The following VPS50 variants were observed in gnomAD, a reference collection of about 807,000 sequenced individuals.
VPS50 encodes the protein VPS50 subunit of EARP/GARPII complex.
A neutral mutation model predicts 139.7 loss-of-function variants in VPS50; 70 were observed. The observed-to-expected ratio is 0.50, with a 90% CI of 0.41 to 0.61. The LOEUF (loss-of-function observed/expected upper bound fraction) is 0.61, where lower values mean the gene tolerates loss of function less well. Among genes scored for constraint, VPS50 ranks in the 20% least tolerant of loss-of-function variants. VPS50 has a pLI of 0.00. For missense variants in VPS50, 921 were observed against 1,133.7 expected (o/e 0.81, Z 2.69); for synonymous variants, 365 against 376.7 (o/e 0.97, Z 0.36).
intron 20 of VPS50, among the ~76,000 whole-genome samples, chr7:93,321,639 T>C (rs1466327395): frequency 3.3e-5 from 5 of 152,232 alleles, no homozygotes; most frequent in African/African-American, 1.2e-4. Flanking sequence ...CTTTTCAAGG[T>C]GGTGAGGAAC....
intron 16 of VPS50, 36 bp downstream of exon 16, chr7:93,297,279 A>C (rs764606527): frequency 6.7e-7 from 1 of 1,483,214 alleles, no homozygotes; most frequent in Non-Finnish European, 8.9e-7. Context: ...CGACTTATTT[A>C]GGTAATGAGA....
chr7:93,311,039 C>A lies in VPS50; in HGVS notation c.1749-127C>A, dbSNP rs536683326. On this transcript the variant is annotated intron_variant, in intron 19 of 27. Transcript: ENST00000305866. Reference sequence around the variant, plus strand: ...TTTTATAAGAAGTTAATTTCTATATCTTTACCTAATGCATAGTAAGATTTT... The same window carrying A: ...TTTTATAAGAAGTTAATTTCTATATATTTACCTAATGCATAGTAAGATTTT... The A allele has an allele frequency of 3.4e-4, 217 of 638,398 alleles. 1 individual carries two copies. In the South Asian group the frequency reaches 3.9e-3, roughly 11 times the overall value. The allele number at this position is 638,398 out of a possible 1,614,324, so 39.5% of individuals were successfully genotyped here. A position where few individuals can be genotyped will look rare whatever the true frequency, so the allele number is the denominator to read the frequency against.
chr7:93,341,410 A>G lies in VPS50; in HGVS notation c.2059-17A>G, dbSNP rs1324048579. Reference sequence around the variant, plus strand: ...TTAGATTTGTTATTCCAGGTTGTATATCTATTGTATTTTCAGGAAGTTTCA... The same window carrying G: ...TTAGATTTGTTATTCCAGGTTGTATGTCTATTGTATTTTCAGGAAGTTTCA... On this transcript the variant is annotated splice_polypyrimidine_tract_variant and intron_variant, in intron 22 of 27. Transcript: ENST00000305866. 1.3e-6 allele frequency: 2 copies of G among 1,577,852 alleles called. No homozygotes were observed. Among genetic ancestry groups the G allele is most frequent in the Non-Finnish European group, 1.7e-6 (2 of 1,160,642 alleles).
intron 19 of VPS50, among the ~76,000 whole-genome samples, chr7:93,310,953 C>A (rs550884012): frequency 1.3e-5 from 2 of 151,938 alleles, no homozygotes. Flanking sequence ...GTTTTATAAT[C>A]GAAGAAATGC....
intron 20 of VPS50, among the ~76,000 whole-genome samples, chr7:93,312,183 G>A (rs1408182326): frequency 6.6e-6 from 1 of 152,122 alleles, no homozygotes; most frequent in East Asian, 1.9e-4. Flanking sequence ...GAACAGAAAG[G>A]TATACCTTTT....
At chr7:93,324,605 T>C (rs1457217736) in intron 21 of VPS50, among the ~76,000 whole-genome samples, 5 of 152,190 alleles carry the variant, frequency 3.3e-5, no homozygotes, top group Non-Finnish European at 7.3e-5. Flanking sequence ...TTTGCGTATA[T>C]TGAACCAGCC....
intron 12 of VPS50, among the ~76,000 whole-genome samples, chr7:93,280,509 AT>A (rs142821608): frequency 0.016 from 2,453 of 152,202 alleles, 40 homozygotes; most frequent in South Asian, 0.036. Context: ...TTGCATTTAC[AT>A]TTTGATGTAC....
At chr7:93,246,198 A>G in intron 2 of VPS50, 1 of 974,384 alleles carries the variant, frequency 1.0e-6, no homozygotes, top group Non-Finnish European at 1.5e-6. Flanking sequence ...AAGAAATGCA[A>G]ACAGTAAAAA....
intron 16 of VPS50, among the ~76,000 whole-genome samples, chr7:93,301,486 C>G (rs1282848823): frequency 6.6e-6 from 1 of 151,978 alleles, no homozygotes; most frequent in Non-Finnish European, 1.5e-5. Context: ...ATATTATTTT[C>G]TATACATTTT....
intron 20 of VPS50, among the ~76,000 whole-genome samples, chr7:93,322,295 A>G (rs1797636677): frequency 6.6e-6 from 1 of 152,158 alleles, no homozygotes; most frequent in African/African-American, 2.4e-5. Context: ...TTGAGTCATG[A>G]TGTCTTTAAT....
chr7:93,310,580 G>A (rs990533225), intron 19 of VPS50, among the ~76,000 whole-genome samples: 1 of 151,910 alleles, frequency 6.6e-6, no homozygotes, highest in African/African-American at 2.4e-5. Context: ...TGCTTTCAGA[G>A]ATATCTGGCC....
chr7:93,334,403 A>T (rs914596247), intron 22 of VPS50, among the ~76,000 whole-genome samples: 6 of 152,224 alleles, frequency 3.9e-5, no homozygotes, highest in African/African-American at 7.2e-5. Context: ...TATTGGGCTT[A>T]TATCTAGCAC....
chr7:93,328,869 TATGTGA>T (rs1390633318), intron 21 of VPS50, among the ~76,000 whole-genome samples: 1 of 152,056 alleles, frequency 6.6e-6, no homozygotes, highest in Non-Finnish European at 1.5e-5. Context: ...GACTGTGAGA[TATGTGA>T]TTCCATGATC....
chr7:93,345,143 G>A (rs908633681), intron 23 of VPS50, among the ~76,000 whole-genome samples: 5 of 151,882 alleles, frequency 3.3e-5, no homozygotes, highest in Non-Finnish European at 7.4e-5. Flanking sequence ...ATGATAAAGG[G>A]GATATCACCA....
In VPS50 at chr7:93,271,235, G is replaced by C; in HGVS notation, c.675G>C (p.Lys225Asn). 6.4e-7 allele frequency: 1 copy of C among 1,559,458 alleles called. No individual in the cohort carries two copies. The highest frequency in any genetic ancestry group is 2.4e-5 in the East Asian group (1 of 42,314). ...TTTTTAATAGTGAACTGAATTCAAA[G>C]CTGCAAGATACTTTGGAACAGATTG... ...HYSCISELNS[K>N]LQDTLEQIEE... The change falls in exon 10 of 28, where the codon AAG becomes AAC. Residue 225 changes from lysine to asparagine, a missense_variant. Coordinates refer to ENST00000305866, the MANE Select transcript of VPS50 (RefSeq NM_017667.4).
At chr7:93,344,940 C>T (rs931416624) in intron 23 of VPS50, among the ~76,000 whole-genome samples, 2 of 152,024 alleles carry the variant, frequency 1.3e-5, no homozygotes, top group African/African-American at 4.8e-5. Flanking sequence ...AGAGCAAACA[C>T]ATTCAAAAGC....
chr7:93,339,915 T>C (rs919645369), intron 22 of VPS50, among the ~76,000 whole-genome samples: 1 of 152,212 alleles, frequency 6.6e-6, no homozygotes, highest in Non-Finnish European at 1.5e-5. Context: ...TAAATTTCTC[T>C]TATGGAATTT....
intron 21 of VPS50, among the ~76,000 whole-genome samples, chr7:93,328,127 C>G (rs796573287): frequency 4.1e-4 from 63 of 152,274 alleles, no homozygotes; most frequent in African/African-American, 1.4e-3. Context: ...CCATTGGATT[C>G]TATTATAATA....
intron 2 of VPS50, among the ~76,000 whole-genome samples, chr7:93,246,830 T>TAAAC (rs768933232): frequency 1.3e-4 from 20 of 151,866 alleles, no homozygotes; most frequent in Non-Finnish European, 2.7e-4. Flanking sequence ...TTTGGTAAAG[T>TAAAC]TATAGCCTAG....
Sources: gnomAD v4.1 joint callset for allele counts (sites outside exome capture counted in the v4.1 genomes callset) on GRCh38, gnomAD v4.1.1 for gene constraint, MANE v1.5 for transcripts, NCBI Gene and HGNC (gene_info 2026-07-23, HGNC 2026-07-21) for gene names.